Variants in FARP1 observed in about 807,000 individuals in gnomAD.
FARP1 encodes FERM, ARH/RhoGEF and pleckstrin domain protein 1.
In FARP1, 52 loss-of-function variants were observed where a neutral mutation model predicts 128.8. The ratio of observed to expected loss-of-function variants is 0.40; its 90% CI spans 0.32 to 0.51. FARP1 has a LOEUF of 0.51. Among genes scored for constraint, FARP1 ranks in the 20% least tolerant of loss-of-function variants. The pLI, the probability that FARP1 is intolerant of heterozygous loss-of-function variation, is 0.45. For missense variants in FARP1, 1,333 were observed against 1,367.9 expected, an observed-to-expected ratio of 0.97 and a Z score of 0.40; for synonymous variants, 580 against 551.8, an observed-to-expected ratio of 1.05 and a Z score of -0.72.
At chr13:98,444,879 C>T (rs775361215) in intron 24 of FARP1, among the ~76,000 whole-genome samples, 15 of 152,230 alleles carry the variant, frequency 9.9e-5, no homozygotes, top group South Asian at 2.1e-4. Context: ...GCATGGGCAT[C>T]AGCCCAGCCC....
intron 2 of FARP1, among the ~76,000 whole-genome samples, chr13:98,343,156 T>A (rs1258720110): frequency 1.3e-5 from 2 of 151,982 alleles, no homozygotes; most frequent in African/African-American, 4.8e-5. Context: ...AGGCAAACTA[T>A]AGAGACAGTA....
rs141540542 is a variant in FARP1, at chr13:98,283,291, C to T, written c.172-60471C>T. ...ACCAAAGGGAAGTTTTAGAGGAAGC[C>T]GTTCATGCAAATTTAAGGTCAAGAA... On this transcript the variant is annotated intron_variant, in intron 2 of 26. Transcript: ENST00000319562. Among the ~76,000 whole-genome samples the T allele has an allele frequency of 1.4e-4, 22 of 152,242 alleles. 1 individual carries two copies. Among genetic ancestry groups the T allele is most frequent in the Middle Eastern group, 3.4e-3 (1 of 294 alleles).
At chr13:98,361,038 G>T (rs1428420323) in intron 3 of FARP1, among the ~76,000 whole-genome samples, 3 of 152,198 alleles carry the variant, frequency 2.0e-5, no homozygotes, top group Admixed American at 6.5e-5. Context: ...GTCCAGCTCC[G>T]CTCGCCTCCC....
At chr13:98,408,700 A>G (rs142822441) in intron 13 of FARP1, among the ~76,000 whole-genome samples, 11 of 152,202 alleles carry the variant, frequency 7.2e-5, no homozygotes, top group African/African-American at 2.7e-4. Context: ...TTATAAAGGG[A>G]AATTGTGATA....
intron 2 of FARP1, among the ~76,000 whole-genome samples, chr13:98,295,802 TAAAG>T (rs1230599586): frequency 6.6e-6 from 1 of 152,234 alleles, no homozygotes; most frequent in Non-Finnish European, 1.5e-5. Context: ...TCTGCAACGA[TAAAG>T]AATTGTATCT....
At chr13:98,446,994 G>C in intron 26 of FARP1, 177 bp downstream of exon 26, 1 of 645,312 alleles carries the variant, frequency 1.5e-6, no homozygotes, top group Non-Finnish European at 2.6e-6. Context: ...ATGGCAGAAA[G>C]TGGGGTCCCA....
chr13:98,335,383 C>T (rs1366060435), intron 2 of FARP1, among the ~76,000 whole-genome samples: 1 of 152,148 alleles, frequency 6.6e-6, no homozygotes, highest in Non-Finnish European at 1.5e-5. Flanking sequence ...AAAGAGAGAG[C>T]TTGTGCAGAA....
intron 2 of FARP1, among the ~76,000 whole-genome samples, chr13:98,233,198 T>C (rs1323008032): frequency 3.9e-5 from 6 of 152,214 alleles, no homozygotes; most frequent in Non-Finnish European, 7.3e-5. Flanking sequence ...GGAGTGGTGT[T>C]AATAAATAAC....
chr13:98,322,268 A>T (rs1354299065), intron 2 of FARP1, among the ~76,000 whole-genome samples: 1 of 152,216 alleles, frequency 6.6e-6, no homozygotes, highest in Non-Finnish European at 1.5e-5. Flanking sequence ...ATTGCACTCT[A>T]GCTTGGGTGA....
intron 5 of FARP1, among the ~76,000 whole-genome samples, chr13:98,374,963 G>A (rs1468415536): frequency 1.3e-5 from 2 of 152,178 alleles, no homozygotes; most frequent in Non-Finnish European, 2.9e-5. Flanking sequence ...TCACCCCCAA[G>A]GGAGGTTATT....
At chr13:98,382,982 T>C (rs957890694) in intron 6 of FARP1, among the ~76,000 whole-genome samples, 3 of 152,112 alleles carry the variant, frequency 2.0e-5, no homozygotes, top group African/African-American at 7.2e-5. Flanking sequence ...TGTGAAGAAA[T>C]TGGCAAAGTA....
rs945439645 is a variant in FARP1, at chr13:98,251,697, GA to G, written c.171+38292del. Among the ~76,000 whole-genome samples the G allele has an allele frequency of 2.2e-4, 32 of 147,238 alleles. No individual in the cohort carries two copies. In the East Asian group the frequency reaches 5.0e-3, roughly 23 times the overall value. Reference sequence around the variant, plus strand: ...GACTCCATCTCAAAAAAAAAAAAAAGAAAAAAAAGTCCCCATTAGGGAAGAG... The same window carrying G: ...GACTCCATCTCAAAAAAAAAAAAAAGAAAAAAAGTCCCCATTAGGGAAGAG... On this transcript the variant is annotated intron_variant, in intron 2 of 26. Transcript: ENST00000319562.
At chr13:98,305,332 C>CT (rs34321434) in intron 2 of FARP1, among the ~76,000 whole-genome samples, 56 of 145,928 alleles carry the variant, frequency 3.8e-4, no homozygotes, top group East Asian at 1.4e-3. Flanking sequence ...GAATTTCTTT[C>CT]TTTTTTTTTT....
intron 24 of FARP1, among the ~76,000 whole-genome samples, chr13:98,442,810 C>A (rs1231326568): frequency 6.6e-6 from 1 of 152,220 alleles, no homozygotes; most frequent in Non-Finnish European, 1.5e-5. Context: ...CGATGTGTGG[C>A]GCCGCCACTG....
In FARP1 at chr13:98,253,418, A is replaced by G. The variant is rs1431607530; in HGVS notation, c.171+40005A>G. On this transcript the variant is annotated intron_variant, in intron 2 of 26. Coordinates refer to ENST00000319562, the MANE Select transcript of FARP1 (RefSeq NM_005766.4). ...GCAACCGCATGAGTCAGATATCCCAATCTGGCTTATCAGTGAAGAAACTGA... is the reference window on the plus strand; with the variant it reads ...GCAACCGCATGAGTCAGATATCCCAGTCTGGCTTATCAGTGAAGAAACTGA... Among the ~76,000 whole-genome samples, 5 of 152,170 alleles carry G rather than the reference A, an allele frequency of 3.3e-5. No homozygotes were observed. The South Asian group carries it at 1.0e-3, about 32-fold the overall frequency.
intron 2 of FARP1, among the ~76,000 whole-genome samples, chr13:98,279,680 G>A (rs1455530478): frequency 1.3e-5 from 2 of 152,224 alleles, no homozygotes; most frequent in African/African-American, 4.8e-5. Flanking sequence ...GGCCCCTGCA[G>A]CAGAGTGACA....
At chr13:98,399,401 C>T (rs1279946834) in intron 13 of FARP1, 1 of 152,262 alleles carries the variant, frequency 6.6e-6, no homozygotes, top group Non-Finnish European at 1.5e-5. Flanking sequence ...CCCTCCAAAC[C>T]TTCTGACTTT....
chr13:98,379,487 C>A (rs1889806931), intron 6 of FARP1, among the ~76,000 whole-genome samples: 2 of 151,474 alleles, frequency 1.3e-5, no homozygotes, highest in South Asian at 2.1e-4. Context: ...GCTTACTAAC[C>A]CCCCAGCCTC....
chr13:98,394,794 C>T (rs754699974), intron 12 of FARP1, among the ~76,000 whole-genome samples: 49 of 152,014 alleles, frequency 3.2e-4, no homozygotes, highest in Admixed American at 2.0e-4. Flanking sequence ...TTTAATTAGC[C>T]GGACATGGTG....
Sources: allele counts gnomAD v4.1 joint callset (sites outside exome capture counted in the v4.1 genomes callset), GRCh38; gene constraint gnomAD v4.1.1; transcripts MANE v1.5; gene names NCBI Gene and HGNC (gene_info 2026-07-23, HGNC 2026-07-21).